Variants in RGS6 observed in about 807,000 individuals in gnomAD.
The protein encoded by RGS6 is regulator of G protein signaling 6.
A neutral mutation model predicts 78.5 loss-of-function variants in RGS6; 30 were observed. That is an observed-to-expected ratio of 0.38 (90% CI 0.29 to 0.52). The LOEUF (loss-of-function observed/expected upper bound fraction) is 0.52. Ranked by LOEUF, RGS6 falls within the 20% of genes least tolerant of loss-of-function variation. The pLI is 0.85. For synonymous variants in RGS6, 206 were observed against 206.0 expected (o/e 1.00, Z 0.00); for missense variants, 495 against 609.7 (o/e 0.81, Z 1.98).
intron 1 of RGS6, among the ~76,000 whole-genome samples, chr14:71,938,472 G>A (rs977491681): frequency 2.0e-5 from 3 of 152,162 alleles, no homozygotes; most frequent in African/African-American, 7.2e-5. Context: ...CCACTTTTGG[G>A]TGGTGCCTGC....
chr14:72,158,582 T>C (rs2096806022), intron 2 of RGS6, among the ~76,000 whole-genome samples: 1 of 151,992 alleles, frequency 6.6e-6, no homozygotes, highest in Non-Finnish European at 1.5e-5. Flanking sequence ...CCACCCACCA[T>C]CTCCCCCAAA....
chr14:72,084,352 CCAGTTCCTAACAGGCCA>C (rs1329052798), intron 2 of RGS6, among the ~76,000 whole-genome samples: 18 of 152,162 alleles, frequency 1.2e-4, no homozygotes, highest in Non-Finnish European at 2.1e-4. Flanking sequence ...GCTATGCAGC[CCAGTTCCTAACAGGCCA>C]CAGACTGGTA....
chr14:71,914,123 G>A, the RGS6 span, among the ~76,000 whole-genome samples: 1 of 152,214 alleles, frequency 6.6e-6, no homozygotes, highest in Non-Finnish European at 1.5e-5. Flanking sequence ...GCTTCTCTGA[G>A]ACTCTCCTGG....
In RGS6 at chr14:72,541,438, C is replaced by T. The variant is rs1170404505; in HGVS notation, c.1422+1344C>T. ...CCATCCCTTCCCTTCCTCGGTCTTC[C>T]CTCTCTGTGGCCTTTCCTCATGAGA... is the stretch of plus-strand genomic sequence containing the variant. On this transcript the variant is annotated intron_variant, in intron 17 of 17. Coordinates refer to ENST00000553525, the MANE Select transcript of RGS6 (RefSeq NM_001204424.2). 15 of 1,531,444 alleles carry T rather than the reference C, an allele frequency of 9.8e-6. No homozygotes were observed. In the East Asian group the frequency reaches 3.7e-4, roughly 38 times the overall value. The allele number at this position is 1,531,444 out of a possible 1,614,324, so 94.9% of individuals were successfully genotyped here. A position where few individuals can be genotyped will look rare whatever the true frequency, so the allele number is the denominator to read the frequency against.
At chr14:72,465,602 T>TGGTTGGGTAGA (rs1566914149) in intron 6 of RGS6, among the ~76,000 whole-genome samples, 156 bp from the exon 7 acceptor site, 1 of 99,398 alleles carries the variant, frequency 1.0e-5, no homozygotes, top group Admixed American at 1.0e-4. Flanking sequence ...GGATGGATGG[T>TGGTTGGGTAGA]TGGGTGGATG....
the RGS6 span, among the ~76,000 whole-genome samples, chr14:71,917,830 C>A: frequency 1.3e-5 from 2 of 152,046 alleles, no homozygotes; most frequent in African/African-American, 2.4e-5. Flanking sequence ...CAGAGACTAA[C>A]TGCAAATGTT....
At chr14:72,256,248 A>G (rs2057057760) in intron 2 of RGS6, among the ~76,000 whole-genome samples, 1 of 152,156 alleles carries the variant, frequency 6.6e-6, no homozygotes, top group African/African-American at 2.4e-5. Context: ...GAAATCATTG[A>G]GGTCTTCATG....
chr14:72,067,274 A>T (rs187219084), intron 2 of RGS6, among the ~76,000 whole-genome samples: 26 of 152,280 alleles, frequency 1.7e-4, no homozygotes, highest in Admixed American at 5.2e-4. Context: ...GAACACGTGG[A>T]TGCAGGGAGG....
chr14:72,505,567 A>C (rs1239146516), intron 13 of RGS6, among the ~76,000 whole-genome samples: 1 of 152,242 alleles, frequency 6.6e-6, no homozygotes, highest in Non-Finnish European at 1.5e-5. Context: ...TTTTGAAGAT[A>C]GCTTGTATAT....
chr14:72,561,998 A>G (rs2074648), intron 17 of RGS6, among the ~76,000 whole-genome samples: 19,502 of 152,128 alleles, frequency 0.13, 1,298 homozygotes, highest in Middle Eastern at 0.19. Flanking sequence ...GCCACCCTCT[A>G]TTTGAGTCAA....
chr14:72,475,992 TCTAAC>T (rs1285196621), intron 10 of RGS6, among the ~76,000 whole-genome samples: 1 of 152,154 alleles, frequency 6.6e-6, no homozygotes, highest in Non-Finnish European at 1.5e-5. Context: ...GCCCCATAAT[TCTAAC>T]ATTACAGAAT....
At chr14:72,185,571 T>C (rs778790051) in intron 2 of RGS6, among the ~76,000 whole-genome samples, 5 of 152,290 alleles carry the variant, frequency 3.3e-5, no homozygotes, top group Non-Finnish European at 7.4e-5. Context: ...TTAACTAGTG[T>C]AGAGTGTGAA....
intron 2 of RGS6, among the ~76,000 whole-genome samples, chr14:72,299,954 T>A (rs2065706720): frequency 6.6e-6 from 1 of 152,140 alleles, no homozygotes; most frequent in South Asian, 2.1e-4. Flanking sequence ...GACTTTTGGT[T>A]TTATCATTTT....
intron 3 of RGS6, among the ~76,000 whole-genome samples, chr14:72,352,635 C>A (rs1596152846): frequency 6.6e-6 from 1 of 151,918 alleles, no homozygotes; most frequent in Non-Finnish European, 1.5e-5. Flanking sequence ...TTCTTCATTC[C>A]TTATATTGTG....
intron 3 of RGS6, among the ~76,000 whole-genome samples, chr14:72,408,266 C>A (rs951552198): frequency 9.2e-5 from 14 of 152,188 alleles, no homozygotes; most frequent in African/African-American, 3.4e-4. Context: ...TGGTGGTTCT[C>A]AGATGACTTG....
chr14:71,914,859 C>T, the RGS6 span, among the ~76,000 whole-genome samples: 1 of 151,802 alleles, frequency 6.6e-6, no homozygotes, highest in Non-Finnish European at 1.5e-5. Context: ...ACAGGCACCA[C>T]TCCCTTAAGA....
intron 2 of RGS6, among the ~76,000 whole-genome samples, chr14:72,209,682 G>T (rs2043573080): frequency 6.6e-6 from 1 of 152,172 alleles, no homozygotes; most frequent in Non-Finnish European, 1.5e-5. Context: ...GCACTGAGTA[G>T]CCTCACTCCA....
chr14:72,174,139 A>T (rs1049185040), intron 2 of RGS6, among the ~76,000 whole-genome samples: 8 of 151,916 alleles, frequency 5.3e-5, no homozygotes, highest in Middle Eastern at 3.4e-3. Flanking sequence ...GTGGGGTTTC[A>T]CTCTTGTTGC....
At chr14:71,928,355 TA>T (rs1162886251), upstream of RGS6, among the ~76,000 whole-genome samples, 1 of 152,244 alleles carries the variant, frequency 6.6e-6, no homozygotes, top group Non-Finnish European at 1.5e-5. Context: ...AAAGAGTCTT[TA>T]GCTCTCAGAA....
Sources: gnomAD v4.1 joint callset for allele counts (sites outside exome capture counted in the v4.1 genomes callset) on GRCh38, gnomAD v4.1.1 for gene constraint, MANE v1.5 for transcripts, NCBI Gene and HGNC (gene_info 2026-07-23, HGNC 2026-07-21) for gene names.